CACNA2D3: variants seen among roughly 807,000 people sequenced by gnomAD.
The protein encoded by CACNA2D3 is calcium voltage-gated channel auxiliary subunit alpha2delta 3.
A neutral mutation model predicts 160.6 loss-of-function variants in CACNA2D3; 60 were observed. That is an observed-to-expected ratio of 0.37 (90% confidence interval 0.30 to 0.46). The LOEUF (loss-of-function observed/expected upper bound fraction) is 0.46, where lower values mean the gene tolerates loss of function less well. Among genes scored for constraint, CACNA2D3 ranks in the 20% least tolerant of loss-of-function variants. The pLI is 1.00. For missense variants in CACNA2D3, 1,205 were observed against 1,365.0 expected (o/e 0.88, Z 1.85); for synonymous variants, 558 against 492.9 (o/e 1.13, Z -1.75).
rs747842906 is a variant in CACNA2D3, at chr3:54,899,771, GT to G, written c.2369-11del. On this transcript the variant is annotated splice_polypyrimidine_tract_variant and intron_variant, in intron 26 of 37. Transcript: ENST00000474759. Reference sequence around the variant, plus strand: ...TAATTATCTTCATTTTTGTTGTGGTGTTTTTTCTTTTCACAGGACCAGTCAA... The same window carrying G: ...TAATTATCTTCATTTTTGTTGTGGTGTTTTTCTTTTCACAGGACCAGTCAA... 1.3e-6 allele frequency: 2 copies of G among 1,577,768 alleles called. No homozygotes were observed. Among genetic ancestry groups the G allele is most frequent in the South Asian group, 1.1e-5 (1 of 87,668 alleles).
At chr3:55,056,567 A>G (rs1009599383) in intron 35 of CACNA2D3, among the ~76,000 whole-genome samples, 1 of 152,226 alleles carries the variant, frequency 6.6e-6, no homozygotes, top group Admixed American at 6.5e-5. Context: ...GTGTTCATCA[A>G]TAGATGAATG....
At chr3:54,690,496 TATC>T (rs1209203322) in intron 11 of CACNA2D3, among the ~76,000 whole-genome samples, 2 of 152,136 alleles carry the variant, frequency 1.3e-5, no homozygotes, top group Non-Finnish European at 2.9e-5. Flanking sequence ...AATGAATCAT[TATC>T]ATCATCATCA....
intron 25 of CACNA2D3, chr3:54,894,550 G>A (rs1225093212): frequency 4.0e-6 from 2 of 496,232 alleles, no homozygotes; most frequent in Non-Finnish European, 4.0e-6. Context: ...GTCCCCTGTG[G>A]GCATCATTAA....
intron 13 of CACNA2D3, among the ~76,000 whole-genome samples, chr3:54,779,418 A>G (rs1702490663): frequency 6.6e-6 from 1 of 152,190 alleles, no homozygotes; most frequent in Admixed American, 6.5e-5. Flanking sequence ...ATTTTTAAAC[A>G]AGATTTTGGC....
At chr3:54,254,079 C>G (rs1449561764) in intron 2 of CACNA2D3, among the ~76,000 whole-genome samples, 1 of 152,086 alleles carries the variant, frequency 6.6e-6, no homozygotes, top group African/African-American at 2.4e-5. Flanking sequence ...TCCTGTGTTT[C>G]TTACAGTGAG....
chr3:54,502,513 T>C (rs1701309966), intron 4 of CACNA2D3, among the ~76,000 whole-genome samples: 2 of 152,224 alleles, frequency 1.3e-5, no homozygotes, highest in Non-Finnish European at 2.9e-5. Context: ...ATATTACCCA[T>C]CTGTTCTTAC....
chr3:54,802,542 TA>T (rs1428189708), intron 13 of CACNA2D3, among the ~76,000 whole-genome samples: 1 of 152,140 alleles, frequency 6.6e-6, no homozygotes, highest in Non-Finnish European at 1.5e-5. Context: ...TTTGTACAAA[TA>T]AAATCTAGTT....
chr3:54,652,646 G>A (rs2106866606), intron 11 of CACNA2D3, among the ~76,000 whole-genome samples: 1 of 152,158 alleles, frequency 6.6e-6, no homozygotes, highest in South Asian at 2.1e-4. Context: ...AAGTGCAGGT[G>A]GCTGGAGCCC....
intron 24 of CACNA2D3, among the ~76,000 whole-genome samples, chr3:54,890,948 A>G (rs981407938): frequency 6.6e-6 from 1 of 152,194 alleles, no homozygotes; most frequent in African/African-American, 2.4e-5. Flanking sequence ...GACCAAGAAT[A>G]AACTTGGTAG....
At chr3:54,620,035 C>A (rs1462113406) in intron 9 of CACNA2D3, among the ~76,000 whole-genome samples, 3 of 152,138 alleles carry the variant, frequency 2.0e-5, no homozygotes, top group Admixed American at 6.5e-5. Context: ...CAGGTGTGGG[C>A]ACCCTTTGAG....
chr3:55,016,493 A>G (rs1703329640), intron 34 of CACNA2D3, among the ~76,000 whole-genome samples: 1 of 152,180 alleles, frequency 6.6e-6, no homozygotes, highest in African/African-American at 2.4e-5. Flanking sequence ...GCTTTTAGCT[A>G]CTACATAGCT....
intron 5 of CACNA2D3, among the ~76,000 whole-genome samples, chr3:54,538,030 C>T (rs1381209100): frequency 6.6e-6 from 1 of 152,152 alleles, no homozygotes; most frequent in African/African-American, 2.4e-5. Flanking sequence ...AGTGCTCCAC[C>T]CTGCACAGTC....
At chr3:54,464,737 A>T in intron 4 of CACNA2D3, among the ~76,000 whole-genome samples, 1 of 152,214 alleles carries the variant, frequency 6.6e-6, no homozygotes, top group Non-Finnish European at 1.5e-5. Context: ...TGAGTGAGGC[A>T]ATGCCTCGCC....
chr3:54,625,064 G>A (rs1463316687), intron 9 of CACNA2D3, among the ~76,000 whole-genome samples: 1 of 152,198 alleles, frequency 6.6e-6, no homozygotes, highest in East Asian at 1.9e-4. Context: ...TTGAGAACTG[G>A]GCAGAAAGAA....
intron 14 of CACNA2D3, among the ~76,000 whole-genome samples, chr3:54,832,111 G>A (rs539545600): frequency 1.3e-5 from 2 of 150,642 alleles, no homozygotes; most frequent in Non-Finnish European, 2.9e-5. Flanking sequence ...CCTCTCTGTG[G>A]CAAGGGGACA....
At chr3:54,377,590 G>A (rs913574246) in intron 3 of CACNA2D3, among the ~76,000 whole-genome samples, 2 of 152,282 alleles carry the variant, frequency 1.3e-5, no homozygotes, top group Admixed American at 6.5e-5. Context: ...ACACACTGAG[G>A]TACAGACTAA....
In CACNA2D3 at chr3:54,837,243, G is replaced by GCTGAGCTTC; in HGVS notation, c.1470+17_1470+25dup. 1 of 1,612,154 alleles carries GCTGAGCTTC rather than the reference G, an allele frequency of 6.2e-7. No homozygotes were observed. Among genetic ancestry groups the GCTGAGCTTC allele is most frequent in the Middle Eastern group, 1.7e-4 (1 of 6,060 alleles). On this transcript the variant is annotated intron_variant, in intron 15 of 37. Transcript: ENST00000474759. ...GCAGAACGAAACCGTGAGTACAGTC[G>GCTGAGCTTC]CTGAGCTTCCTGCTTGATGCTAGGA...
chr3:54,491,773 TGGCCTGCAAAACCTAAAATA>T (rs1701114677), intron 4 of CACNA2D3, among the ~76,000 whole-genome samples: 2 of 152,214 alleles, frequency 1.3e-5, no homozygotes, highest in South Asian at 4.1e-4. Context: ...AGAGACTGTC[TGGCCTGCAAAACCTAAAATA>T]TTTACTATCT....
At chr3:54,569,370 C>G (rs775074612) in intron 6 of CACNA2D3, among the ~76,000 whole-genome samples, 6 of 152,150 alleles carry the variant, frequency 3.9e-5, no homozygotes, top group Admixed American at 2.0e-4. Flanking sequence ...TGCTTTCAAC[C>G]CCCCTCCTGT....
Sources: allele counts gnomAD v4.1 joint callset (sites outside exome capture counted in the v4.1 genomes callset), GRCh38; gene constraint gnomAD v4.1.1; transcripts MANE v1.5; gene names NCBI Gene and HGNC (gene_info 2026-07-23, HGNC 2026-07-21).